The following GPC5 variants were observed in gnomAD, a reference collection of about 807,000 sequenced individuals.
The protein encoded by GPC5 is glypican 5.
Under a neutral mutation model 53.9 loss-of-function variants are expected in GPC5, and 47 were observed. The ratio of observed to expected loss-of-function variants is 0.87; its 90% CI spans 0.69 to 1.11. GPC5 has a LOEUF of 1.11. Among genes scored for constraint, GPC5 ranks in the 50% most tolerant of loss-of-function variants. The probability of loss-of-function intolerance (pLI) is 0.00; values close to 1 mark genes in which losing one functional copy is unlikely to be tolerated. For synonymous variants in GPC5, 286 were observed against 263.3 expected (o/e 1.09, Z -0.84); for missense variants, 748 against 713.1 (o/e 1.05, Z -0.56).
chr13:92,520,005 A>G (rs1274777686), intron 7 of GPC5, among the ~76,000 whole-genome samples: 1 of 152,238 alleles, frequency 6.6e-6, no homozygotes, highest in Non-Finnish European at 1.5e-5. Flanking sequence ...AAACACCTCT[A>G]TGTAAATAAA....
chr13:92,681,572 C>T (rs1289855052), intron 7 of GPC5, among the ~76,000 whole-genome samples: 2 of 152,162 alleles, frequency 1.3e-5, no homozygotes, highest in Non-Finnish European at 2.9e-5. Flanking sequence ...CACCTTACGA[C>T]ATCTTTGAAT....
intron 7 of GPC5, among the ~76,000 whole-genome samples, chr13:92,695,638 A>G (rs1023383297): frequency 1.3e-5 from 2 of 152,046 alleles, no homozygotes; most frequent in African/African-American, 4.8e-5. Context: ...ATTAGTACAT[A>G]CAACAGACTT....
chr13:92,272,621 T>C (rs2042848128), intron 7 of GPC5, among the ~76,000 whole-genome samples: 1 of 152,138 alleles, frequency 6.6e-6, no homozygotes. Flanking sequence ...TGCCCCATTG[T>C]GTAATGAAAA....
intron 7 of GPC5, among the ~76,000 whole-genome samples, chr13:92,552,882 G>A (rs1882366126): frequency 6.6e-6 from 1 of 151,774 alleles, no homozygotes; most frequent in South Asian, 2.1e-4. Flanking sequence ...TCTTCAAAGG[G>A]TTCTCTCTTA....
At chr13:92,698,500 C>T (rs1420341995) in intron 7 of GPC5, among the ~76,000 whole-genome samples, 1 of 152,132 alleles carries the variant, frequency 6.6e-6, no homozygotes, top group Non-Finnish European at 1.5e-5. Flanking sequence ...ATGAACTCAT[C>T]ATTTTTTATG....
chr13:91,661,117 C>T (rs1056816003), intron 2 of GPC5, among the ~76,000 whole-genome samples: 5 of 152,054 alleles, frequency 3.3e-5, no homozygotes, highest in Admixed American at 6.5e-5. Context: ...CAAGGGTCAC[C>T]GAGAGAAGTA....
At chr13:91,776,538 A>G (rs1269653720) in intron 5 of GPC5, among the ~76,000 whole-genome samples, 1 of 152,176 alleles carries the variant, frequency 6.6e-6, no homozygotes, top group Non-Finnish European at 1.5e-5. Flanking sequence ...TATTGTCGCT[A>G]TTTCCAGAAA....
chr13:91,886,216 A>G (rs1476819050), intron 5 of GPC5, among the ~76,000 whole-genome samples: 1 of 152,140 alleles, frequency 6.6e-6, no homozygotes, highest in Admixed American at 6.5e-5. Context: ...GGCAAGAGAG[A>G]CAGCATGTGC....
intron 6 of GPC5, among the ~76,000 whole-genome samples, chr13:92,039,141 G>A (rs1419102892): frequency 6.6e-6 from 1 of 151,664 alleles, no homozygotes; most frequent in Non-Finnish European, 1.5e-5. Flanking sequence ...AAAGACAAGA[G>A]GAGCATTGGA....
At chr13:92,815,245 A>G (rs1381937070) in intron 7 of GPC5, among the ~76,000 whole-genome samples, 1 of 151,986 alleles carries the variant, frequency 6.6e-6, no homozygotes, top group Non-Finnish European at 1.5e-5. Flanking sequence ...AGGCTGCTAT[A>G]TTTTAGGGAG....
chr13:92,583,689 CAGA>C (rs1312643165), intron 7 of GPC5, among the ~76,000 whole-genome samples: 1 of 152,198 alleles, frequency 6.6e-6, no homozygotes, highest in Non-Finnish European at 1.5e-5. Context: ...AGAAGCTATC[CAGA>C]AGAATAAGTT....
chr13:92,467,476 A>G (rs187341522), intron 7 of GPC5, among the ~76,000 whole-genome samples: 238 of 152,256 alleles, frequency 1.6e-3, no homozygotes, highest in Non-Finnish European at 2.7e-3. Flanking sequence ...TGATGTTCTA[A>G]TTGATGCAAA....
At chr13:92,281,000 A>G (rs1012810811) in intron 7 of GPC5, among the ~76,000 whole-genome samples, 1 of 152,174 alleles carries the variant, frequency 6.6e-6, no homozygotes, top group African/African-American at 2.4e-5. Flanking sequence ...TTTCCCAGTC[A>G]AGGGAGGCGG....
At chr13:91,968,889 T>C (rs1480725645) in intron 6 of GPC5, among the ~76,000 whole-genome samples, 1 of 152,150 alleles carries the variant, frequency 6.6e-6, no homozygotes, top group Non-Finnish European at 1.5e-5. Flanking sequence ...TTATTTTTTG[T>C]CTTCCTTTTC....
chr13:92,798,591 A>G (rs1009038052), intron 7 of GPC5, among the ~76,000 whole-genome samples: 2 of 151,850 alleles, frequency 1.3e-5, no homozygotes, highest in African/African-American at 4.8e-5. Context: ...AGATAGGAAT[A>G]TTATCTCAGC....
chr13:92,222,150 T>C (rs1319750738), intron 7 of GPC5, among the ~76,000 whole-genome samples: 1 of 152,188 alleles, frequency 6.6e-6, no homozygotes, highest in Non-Finnish European at 1.5e-5. Flanking sequence ...CGATCAATTC[T>C]ATAATCTGTA....
chr13:91,819,151 CTTTTTTTTTTTTTT>C (rs386380203), intron 5 of GPC5, among the ~76,000 whole-genome samples: 1 of 58,046 alleles, frequency 1.7e-5, no homozygotes, highest in Non-Finnish European at 2.9e-5. Flanking sequence ...AAAATATGCG[CTTTTTTTTTTTTTT>C]TTTTTTTTTT....
chr13:92,491,624 AG>A (rs1414069581), intron 7 of GPC5, among the ~76,000 whole-genome samples: 3 of 152,162 alleles, frequency 2.0e-5, no homozygotes, highest in African/African-American at 7.2e-5. Flanking sequence ...TATAAGAATT[AG>A]TGCACTTGGC....
chr13:92,659,347 G>A (rs1267061722), intron 7 of GPC5: 5 of 151,106 alleles, frequency 3.3e-5, no homozygotes, highest in African/African-American at 7.3e-5. Flanking sequence ...AACAGACATC[G>A]GGTTTGCAAA....
Sources: gnomAD v4.1 joint callset for allele counts (sites outside exome capture counted in the v4.1 genomes callset) on GRCh38, gnomAD v4.1.1 for gene constraint, MANE v1.5 for transcripts, NCBI Gene and HGNC (gene_info 2026-07-23, HGNC 2026-07-21) for gene names.